The following PIDD1 variants were observed in gnomAD, a reference collection of about 807,000 sequenced individuals.
PIDD1 encodes p53-induced death domain-containing protein 1.
A neutral mutation model predicts 80.0 loss-of-function variants in PIDD1; 72 were observed. The observed-to-expected ratio is 0.90, with a 90% CI of 0.74 to 1.09. PIDD1 has a LOEUF of 1.09. Ranked by LOEUF, PIDD1 falls within the 50% of genes least tolerant of loss-of-function variation. The pLI, the probability that PIDD1 is intolerant of heterozygous loss-of-function variation, is 0.00. For synonymous variants in PIDD1, 655 were observed against 543.5 expected, an observed-to-expected ratio of 1.21 and a Z score of -2.85; for missense variants, 1,329 against 1,228.3, an observed-to-expected ratio of 1.08 and a Z score of -1.23.
In PIDD1 at chr11:800,625, G is replaced by A. The variant is rs145810328; in HGVS notation, c.1959C>T (p.Gly653=). 4.0e-5 allele frequency: 64 copies of A among 1,599,682 alleles called. No homozygotes were observed. The African/African-American group carries it at 4.4e-4, about 11-fold the overall frequency. The change falls in exon 12 of 16, where the codon GGC becomes GGT. Residue 653 remains glycine, a synonymous_variant. Transcript: ENST00000347755. ...TLRRLLERYR[G]PEPSDTVEMF... is the part of the protein sequence containing the mutation. ...TCTCCACCGTGTCAGAGGGCTCGGG[G>A]CCCCGGTACCGCTCCAGCAGCCGCC...
At position 800,033 on chromosome 11, in the gene PIDD1, G is replaced by A. The variant is rs1865123302; in HGVS notation, c.2275-19C>T. The A allele has an allele frequency of 6.2e-7, 1 of 1,611,258 alleles. No individual in the cohort carries two copies. The highest frequency in any genetic ancestry group is 8.5e-7 in the Non-Finnish European group (1 of 1,178,544). On this transcript the variant is annotated intron_variant, in intron 14 of 15. Coordinates refer to ENST00000347755, the MANE Select transcript of PIDD1 (RefSeq NM_145886.4). The stretch of plus-strand genomic sequence containing the variant: ...GAAGTCTCTGTTGGAAGGAAAAAGT[G>A]CATTAAGCCCTGGGCTCCACCCCCA...
chr11:801,386 G>A (rs773947956), intron 8 of PIDD1, 21 bp from the exon 9 acceptor site: 30 of 1,601,634 alleles, frequency 1.9e-5, no homozygotes, highest in Admixed American at 8.5e-5. Context: ...CAGGCCCCCT[G>A]AGCACCTGCC....
intron 2 of PIDD1, 76 bp downstream of exon 2, chr11:804,017 GT>G: frequency 6.8e-7 from 1 of 1,472,146 alleles, no homozygotes; most frequent in Non-Finnish European, 9.1e-7. Flanking sequence ...TGGGACTGGG[GT>G]TTGCCTTTGA....
At position 804,361 on chromosome 11, in the gene PIDD1, G is replaced by A; in HGVS notation, c.28C>T (p.Leu10=). 1 of 1,602,620 alleles carries A rather than the reference G, an allele frequency of 6.2e-7. No individual in the cohort carries two copies. The highest frequency in any genetic ancestry group is 1.7e-4 in the Middle Eastern group (1 of 6,012). ...TCTCCTGCGGCAGCAGCTGCCTCCA[G>A]CTCTGGCCCCTCCACCGTTGCAGCC... The part of the protein sequence containing the change: MAATVEGPE[L]EAAAAAGDAS... The change falls in exon 2 of 16, where the codon CTG becomes TTG. Residue 10 remains leucine (L), a synonymous_variant. Transcript: ENST00000347755.
rs374062640 is a variant in PIDD1 at position 800,353 on chromosome 11, C to T, written c.2140G>A (p.Ala714Thr). The T allele has an allele frequency of 5.6e-6, 9 of 1,612,308 alleles. No individual in the cohort carries two copies. Among genetic ancestry groups the T allele is most frequent in the Non-Finnish European group, 7.6e-6 (9 of 1,179,828 alleles). ...CCCACCTGGCCCCGCACAGCCTGAG[C>T]CTCCCGGTCCAGAGTGGTGGTCACG... ...VYVTTTLDREAQAVRGQVSFY... is the reference protein window; with the variant it reads ...VYVTTTLDRETQAVRGQVSFY... The change falls in exon 13 of 16, where the codon GCT becomes ACT. Residue 714 changes from alanine to threonine, a missense_variant. By Grantham distance (58) the Ala-to-Thr change is moderately conservative (BLOSUM62 0). Coordinates refer to ENST00000347755, the MANE Select transcript of PIDD1 (RefSeq NM_145886.4).
At chr11:805,781 C>A (rs545026456), upstream of PIDD1, 3 of 664,220 alleles carry the variant, frequency 4.5e-6, no homozygotes, top group East Asian at 4.1e-4. Context: ...CTCCTTCAAT[C>A]GCGCAGGGGA....
At chr11:806,582 CTTTTT>C (rs367814833), upstream of PIDD1, among the ~76,000 whole-genome samples, 1 of 144,078 alleles carries the variant, frequency 6.9e-6, no homozygotes, top group African/African-American at 2.5e-5. Context: ...CTGGAGGGAT[CTTTTT>C]TTTTTTTTTC....
At chr11:801,861 G>T (rs1447349252) in intron 7 of PIDD1, 104 bp downstream of exon 7, 3 of 1,434,630 alleles carry the variant, frequency 2.1e-6, no homozygotes, top group Non-Finnish European at 2.9e-6. Context: ...GATCCAGGAG[G>T]GACGGGGCAG....
At position 801,485 on chromosome 11, in the gene PIDD1, G is replaced by T; in HGVS notation, c.1442C>A (p.Pro481His). The change falls in exon 8 of 16, where the codon CCC becomes CAC. Residue 481 changes from proline to histidine, a missense_variant. By Grantham distance (77) the Pro-to-His change is moderately conservative. Coordinates refer to ENST00000347755, the MANE Select transcript of PIDD1 (RefSeq NM_145886.4). The stretch of plus-strand genomic sequence containing the variant: ...ACGAGGCTCCTCAGTGGCCCCAGGG[G>T]GGAAGATGACTTTGACCCCAGGATG... ...SGHPGVKVIF[P>H]PGATEEPRRV... 1 of 1,547,666 alleles carries T rather than the reference G, an allele frequency of 6.5e-7. No homozygotes were observed. Among genetic ancestry groups the T allele is most frequent in the Non-Finnish European group, 8.7e-7 (1 of 1,144,642 alleles).
rs1172920101 is a variant in PIDD1, at chr11:800,320, TC to T, written c.2160+12del. 30 of 1,612,436 alleles carry T rather than the reference TC, an allele frequency of 1.9e-5. No homozygotes were observed. In the Admixed American group the frequency reaches 5.0e-4, roughly 27 times the overall value. ...CTGGGGGGCCTCTCCCCTCACCCAC[TC>T]CCCTCGCCCACCTGGCCCCGCACAG... On this transcript the variant is annotated intron_variant, in intron 13 of 15. Transcript: ENST00000347755.
Position 801,110 on chromosome 11 carries a change from C to G in PIDD1, c.1641G>C (p.Leu547=). 2 of 1,561,000 alleles carry G rather than the reference C, an allele frequency of 1.3e-6. No homozygotes were observed. Among genetic ancestry groups the G allele is most frequent in the Non-Finnish European group, 1.7e-6 (2 of 1,150,162 alleles). The part of the protein sequence containing the change: ...PLPSGITGLS[L]DRSRLHLLYW... Reference sequence around the variant, plus strand: ...ACAACAGGTGCAGGCGGGAGCGGTCCAGACTGAGGCCTGGGGATGGGAGGG... The same window carrying G: ...ACAACAGGTGCAGGCGGGAGCGGTCGAGACTGAGGCCTGGGGATGGGAGGG... Residue 547 remains leucine, a synonymous_variant, in exon 10 of 16, where the codon CTG becomes CTC. Transcript: ENST00000347755.
chr11:799,225 C>T lies in PIDD1; in HGVS notation c.*82G>A. On this transcript the variant is annotated 3_prime_UTR_variant, in exon 16 of 16. Transcript: ENST00000347755. ...GTTTTGTTGCTCACAGGGACCCGTC[C>T]CCACACACTGGAGAGACTTGAAGGT... 1 of 1,360,024 alleles carries T rather than the reference C, an allele frequency of 7.4e-7. No homozygotes were observed. Among genetic ancestry groups the T allele is most frequent in the Non-Finnish European group, 9.8e-7 (1 of 1,015,708 alleles). 84.2% of individuals were successfully genotyped at this position (1,360,024 alleles called of 1,614,324 possible).
rs759985412 is a variant in PIDD1, at chr11:803,199, C to T, written c.684G>A (p.Arg228=). ...SLLELNLASN[R]LQSLPASLAG... ...CCAGAGAGGCTGGGAGGCTCTGCAGCCGGTTGGAGGCCAGGTTGAGCTCCA... is the reference window on the plus strand; with the variant it reads ...CCAGAGAGGCTGGGAGGCTCTGCAGTCGGTTGGAGGCCAGGTTGAGCTCCA... Residue 228 remains arginine, a synonymous_variant, in exon 3 of 16, where the codon CGG becomes CGA. Transcript: ENST00000347755. 4.4e-6 allele frequency: 7 copies of T among 1,608,666 alleles called. No individual in the cohort carries two copies. The highest frequency in any genetic ancestry group is 5.9e-6 in the Non-Finnish European group (7 of 1,178,588).
At chr11:802,954 C>A in intron 3 of PIDD1, 63 bp from the exon 4 acceptor site, 1 of 1,372,444 alleles carries the variant, frequency 7.3e-7, no homozygotes, top group Non-Finnish European at 1.0e-6. Context: ...GACACTCCTG[C>A]TGCCGCCTCC....
In PIDD1 at chr11:803,406, G is replaced by A. The variant is rs1865541879; in HGVS notation, c.477C>T (p.Cys159=). The A allele has an allele frequency of 1.9e-6, 3 of 1,613,958 alleles. No individual in the cohort carries two copies. Among genetic ancestry groups the A allele is most frequent in the East Asian group, 4.5e-5 (2 of 44,884 alleles). The change falls in exon 3 of 16, where the codon TGC becomes TGT. Residue 159 remains cysteine (C), a synonymous_variant. Coordinates refer to ENST00000347755, the MANE Select transcript of PIDD1 (RefSeq NM_145886.4). ...GLGALLLSHN[C]LSELPEALGA... ...CCAGAGCCTCAGGCAGCTCAGAGAGGCAGTTGTGAGACAGCAAGAGCGCAC... is the reference window on the plus strand; with the variant it reads ...CCAGAGCCTCAGGCAGCTCAGAGAGACAGTTGTGAGACAGCAAGAGCGCAC...
chr11:808,146 G>T (rs1216631164), upstream of PIDD1, among the ~76,000 whole-genome samples: 4 of 152,138 alleles, frequency 2.6e-5, no homozygotes, highest in African/African-American at 9.7e-5. Context: ...GTGAGATGGG[G>T]CTGGGCACAG....
chr11:800,107 C>G, intron 14 of PIDD1, 24 bp downstream of exon 14: 7 of 1,607,584 alleles, frequency 4.4e-6, no homozygotes, highest in Non-Finnish European at 5.9e-6. Context: ...CCTGCCCCGC[C>G]CCTCTGCTGT....
Position 802,380 on chromosome 11 carries a change from G to A in PIDD1, c.991C>T (p.Gln331Ter), listed in dbSNP as rs770640717. The change falls in exon 6 of 16, where the codon CAA becomes TAA. Residue 331 changes from glutamine (Q) to a stop codon, truncating the protein, a stop_gained. Coordinates refer to ENST00000347755, the MANE Select transcript of PIDD1 (RefSeq NM_145886.4). LOFTEE classifies it high-confidence loss of function. ...CAGGCCAGGGTCACTGAGCAGCCTT[G>A]AGGGGTCACAGGAAAGCTGAGTGAG... ...SDLDSFPVTP[Q>*]GCSVTLACGV... 1.2e-6 allele frequency: 2 copies of A among 1,611,990 alleles called. No homozygotes were observed. The highest frequency in any genetic ancestry group is 1.7e-6 in the Non-Finnish European group (2 of 1,179,812).
Position 804,456 on chromosome 11 carries a change from C to T in PIDD1, c.-68G>A, listed in dbSNP as rs897863127. ...CAGGCAGGCCTGTCCAGGCAGCGCCCGGGGAAGCTGCAGAGGCAGGAGGAG... is the reference window on the plus strand; with the variant it reads ...CAGGCAGGCCTGTCCAGGCAGCGCCTGGGGAAGCTGCAGAGGCAGGAGGAG... On this transcript the variant is annotated 5_prime_UTR_variant, in exon 2 of 16. Coordinates refer to ENST00000347755, the MANE Select transcript of PIDD1 (RefSeq NM_145886.4). 9 of 1,506,064 alleles carry T rather than the reference C, an allele frequency of 6.0e-6. No individual in the cohort carries two copies. In the African/African-American group the frequency reaches 8.3e-5, roughly 14 times the overall value. The allele number at this position is 1,506,064 out of a possible 1,614,324, so 93.3% of individuals were successfully genotyped here. A position where few individuals can be genotyped will look rare whatever the true frequency, so the allele number is the denominator to read the frequency against.
Sources: allele counts gnomAD v4.1 joint callset (sites outside exome capture counted in the v4.1 genomes callset), GRCh38; gene constraint gnomAD v4.1.1; transcripts MANE v1.5; gene names NCBI Gene and HGNC (gene_info 2026-07-23, HGNC 2026-07-21).